SDK1: variants seen among roughly 807,000 people sequenced by gnomAD.
SDK1 encodes protein sidekick-1.
A neutral mutation model predicts 245.5 loss-of-function variants in SDK1; 157 were observed. The observed-to-expected ratio is 0.64, with a 90% CI of 0.56 to 0.73. SDK1 has a LOEUF of 0.73. Ranked by LOEUF, SDK1 falls within the 30% of genes least tolerant of loss-of-function variation. The pLI is 0.00. For synonymous variants in SDK1, 1,647 were observed against 1,278.5 expected (o/e 1.29, Z -6.15); for missense variants, 3,583 against 3,002.3 (o/e 1.19, Z -4.52).
chr7:4,198,745 G>A (rs531762465), intron 35 of SDK1, among the ~76,000 whole-genome samples: 1 of 152,052 alleles, frequency 6.6e-6, no homozygotes, highest in South Asian at 2.1e-4. Context: ...TTCATATCGA[G>A]CTCATTCTGA....
chr7:4,074,931 T>A (rs1047479548), intron 20 of SDK1, among the ~76,000 whole-genome samples: 8 of 135,268 alleles, frequency 5.9e-5, no homozygotes, highest in South Asian at 2.4e-4. Context: ...TTTTTTTTTT[T>A]AATAAAGTTA....
At chr7:3,491,644 T>G (rs542101863) in intron 1 of SDK1, among the ~76,000 whole-genome samples, 7 of 152,350 alleles carry the variant, frequency 4.6e-5, no homozygotes, top group African/African-American at 1.7e-4. Context: ...TGAAGTCTTC[T>G]TGCAGTTACT....
At chr7:3,947,896 C>T (rs929567194) in intron 5 of SDK1, among the ~76,000 whole-genome samples, 7 of 151,964 alleles carry the variant, frequency 4.6e-5, no homozygotes, top group Non-Finnish European at 5.9e-5. Context: ...TAAGATAAAA[C>T]ACTAACAGAT....
chr7:4,237,854 G>A lies in SDK1; in HGVS notation c.6130+70G>A, dbSNP rs529223351. 1.4e-4 allele frequency: 219 copies of A among 1,562,932 alleles called. No individual in the cohort carries two copies. The Admixed American group carries it at 3.2e-3, about 23-fold the overall frequency. On this transcript the variant is annotated intron_variant, in intron 42 of 44. Transcript: ENST00000404826. ...GCCAAAACATAGCGTTCGTTCTCTC[G>A]TGGATCTGCCGGGCCCGTGTCTGCT...
chr7:3,958,534 G>T, intron 7 of SDK1, among the ~76,000 whole-genome samples: 1 of 152,278 alleles, frequency 6.6e-6, no homozygotes, highest in East Asian at 1.9e-4. Flanking sequence ...CCCAATACAG[G>T]CTGCACACCT....
At chr7:3,401,802 T>A (rs939639464) in intron 1 of SDK1, among the ~76,000 whole-genome samples, 65 of 152,132 alleles carry the variant, frequency 4.3e-4, no homozygotes, top group African/African-American at 1.5e-3. Context: ...ACTGTTAACA[T>A]CTGAATCTTG....
intron 5 of SDK1, among the ~76,000 whole-genome samples, chr7:3,867,288 A>T (rs181615412): frequency 6.6e-6 from 1 of 152,288 alleles, no homozygotes; most frequent in African/African-American, 2.4e-5. Context: ...CTTCATTGAA[A>T]GCATGTTTTT....
chr7:3,557,797 G>C (rs1281415018), intron 1 of SDK1, among the ~76,000 whole-genome samples: 1 of 151,980 alleles, frequency 6.6e-6, no homozygotes, highest in Non-Finnish European at 1.5e-5. Flanking sequence ...GTTACTTTAG[G>C]AGTTGAACCC....
intron 17 of SDK1, among the ~76,000 whole-genome samples, chr7:4,025,759 A>G (rs1024194277): frequency 2.0e-5 from 3 of 152,194 alleles, no homozygotes; most frequent in Non-Finnish European, 4.4e-5. Flanking sequence ...GTGCTGCACC[A>G]CTTTAATCTC....
intron 28 of SDK1, among the ~76,000 whole-genome samples, chr7:4,143,217 C>T (rs556471536): frequency 1.6e-4 from 25 of 152,236 alleles, no homozygotes; most frequent in African/African-American, 5.8e-4. Flanking sequence ...GCACCACGCC[C>T]ATATCAGTGC....
At chr7:3,597,271 C>CAAAA (rs59830553) in intron 1 of SDK1, among the ~76,000 whole-genome samples, 3 of 89,432 alleles carry the variant, frequency 3.4e-5, no homozygotes, top group South Asian at 3.7e-4. Flanking sequence ...GACTTGGTCT[C>CAAAA]AAAAAAAAAA....
At position 3,830,850 on chromosome 7, in the gene SDK1, C is replaced by T. The variant is rs764977299; in HGVS notation, c.847+9267C>T. Among the ~76,000 whole-genome samples the T allele has an allele frequency of 6.6e-5, 10 of 152,140 alleles. No individual in the cohort carries two copies. The South Asian group carries it at 1.2e-3, about 19-fold the overall frequency. On this transcript the variant is annotated intron_variant, in intron 5 of 44. Coordinates refer to ENST00000404826, the MANE Select transcript of SDK1 (RefSeq NM_152744.4). ...CTAATTTCTTAGACTTAGCCAGCAG[C>T]GAATGCCTGATTTCAGTTTATAGGG...
intron 1 of SDK1, among the ~76,000 whole-genome samples, chr7:3,610,790 C>CT (rs1473648402): frequency 6.6e-6 from 1 of 152,224 alleles, no homozygotes; most frequent in Non-Finnish European, 1.5e-5. Context: ...TCCCCACTGG[C>CT]TGACTGCATA....
At chr7:3,812,313 T>C (rs1012659588) in intron 4 of SDK1, among the ~76,000 whole-genome samples, 1 of 152,208 alleles carries the variant, frequency 6.6e-6, no homozygotes, top group Non-Finnish European at 1.5e-5. Context: ...GACTACACAC[T>C]GTTTGGCTCT....
chr7:3,824,432 T>G (rs1429802471), intron 5 of SDK1, among the ~76,000 whole-genome samples: 1 of 152,194 alleles, frequency 6.6e-6, no homozygotes, highest in Non-Finnish European at 1.5e-5. Context: ...GTGAACACCA[T>G]CGGGATGATC....
At chr7:3,632,857 C>T (rs1210664828) in intron 2 of SDK1, among the ~76,000 whole-genome samples, 2 of 152,148 alleles carry the variant, frequency 1.3e-5, no homozygotes, top group East Asian at 1.9e-4. Flanking sequence ...TTTTCTGAGA[C>T]AGCTTGTTAT....
chr7:4,079,669 G>T, intron 22 of SDK1, 85 bp downstream of exon 22: 1 of 1,560,332 alleles, frequency 6.4e-7, no homozygotes. Flanking sequence ...GCAGATGATG[G>T]CTTGGGGTGT....
intron 2 of SDK1, among the ~76,000 whole-genome samples, chr7:3,634,950 A>T (rs1782408435): frequency 6.6e-6 from 1 of 152,260 alleles, no homozygotes; most frequent in African/African-American, 2.4e-5. Flanking sequence ...ATGAGCAATC[A>T]TATAAATATG....
At chr7:3,463,520 A>AT (rs1583894497) in intron 1 of SDK1, among the ~76,000 whole-genome samples, 1 of 152,200 alleles carries the variant, frequency 6.6e-6, no homozygotes, top group African/African-American at 2.4e-5. Context: ...ACAATAATAT[A>AT]ATTGAATGAA....
Sources: gnomAD v4.1 joint callset for allele counts (sites outside exome capture counted in the v4.1 genomes callset) on GRCh38, gnomAD v4.1.1 for gene constraint, MANE v1.5 for transcripts, NCBI Gene and HGNC (gene_info 2026-07-23, HGNC 2026-07-21) for gene names.